The following ATF7 variants were observed in gnomAD, a reference collection of about 807,000 sequenced individuals.
ATF7 encodes the protein cyclic AMP-dependent transcription factor ATF-7.
ATF7 carries 10 observed loss-of-function variants against 50.4 expected under a neutral mutation model. The ratio of observed to expected loss-of-function variants is 0.20; its 90% CI spans 0.12 to 0.34. ATF7 has a LOEUF of 0.34. Ranked by LOEUF, ATF7 falls within the 10% of genes least tolerant of loss-of-function variation. The probability of loss-of-function intolerance (pLI) is 1.00; values close to 1 mark genes in which losing one functional copy is unlikely to be tolerated. For missense variants in ATF7, 465 were observed against 613.9 expected (o/e 0.76, Z 2.56); for synonymous variants, 201 against 226.4 (o/e 0.89, Z 1.01).
At chr12:53,609,954 C>T (rs1307702591) in intron 1 of ATF7, among the ~76,000 whole-genome samples, 1 of 150,574 alleles carries the variant, frequency 6.6e-6, no homozygotes, top group Non-Finnish European at 1.5e-5. Context: ...GTAGCTGGGA[C>T]TATAGGCACG....
intron 2 of ATF7, among the ~76,000 whole-genome samples, chr12:53,569,169 G>A (rs1257935914): frequency 6.6e-6 from 1 of 151,986 alleles, no homozygotes; most frequent in Non-Finnish European, 1.5e-5. Flanking sequence ...AGGGCTCCAT[G>A]TCTCTTAAAA....
intron 2 of ATF7, among the ~76,000 whole-genome samples, chr12:53,571,280 T>C (rs745763112): frequency 1.3e-5 from 2 of 152,112 alleles, no homozygotes; most frequent in Non-Finnish European, 1.5e-5. Context: ...TGGTGGGCTT[T>C]TGGTCTCCCA....
intron 1 of ATF7, among the ~76,000 whole-genome samples, chr12:53,607,928 A>C (rs1352151526): frequency 1.3e-5 from 2 of 152,184 alleles, no homozygotes; most frequent in Non-Finnish European, 2.9e-5. Context: ...GATTGAAAAA[A>C]GTCTGAGTTG....
chr12:53,546,957 T>A (rs1939965359), intron 3 of ATF7, among the ~76,000 whole-genome samples: 1 of 149,676 alleles, frequency 6.7e-6, no homozygotes, highest in African/African-American at 2.4e-5. Flanking sequence ...TGGGGTTTCT[T>A]TATGCTGCCC....
At chr12:53,590,608 A>G (rs958632380) in intron 2 of ATF7, among the ~76,000 whole-genome samples, 1 of 152,240 alleles carries the variant, frequency 6.6e-6, no homozygotes, top group African/African-American at 2.4e-5. Flanking sequence ...GCTAATTCCT[A>G]TAACATCAGA....
At chr12:53,601,069 CAAAAA>C in intron 1 of ATF7, 48 bp from the exon 2 acceptor site, 90 of 940,734 alleles carry the variant, frequency 9.6e-5, no homozygotes, top group Middle Eastern at 2.6e-4. Flanking sequence ...TATGCTGGAG[CAAAAA>C]AAAAAAAAAA....
chr12:53,510,076 G>A (rs1717563040), downstream of ATF7, among the ~76,000 whole-genome samples: 1 of 147,086 alleles, frequency 6.8e-6, no homozygotes, highest in Non-Finnish European at 1.5e-5. Flanking sequence ...TTTTGCTCTT[G>A]TTGCCCAGGC....
At chr12:53,552,459 A>T (rs1330036798) in intron 3 of ATF7, 82 bp downstream of exon 3, 2 of 1,072,540 alleles carry the variant, frequency 1.9e-6, no homozygotes, top group Admixed American at 1.9e-5. Flanking sequence ...AAGGGAGTAC[A>T]GCTCCCAGTA....
At chr12:53,607,606 C>G (rs1005345285) in intron 1 of ATF7, among the ~76,000 whole-genome samples, 3 of 151,080 alleles carry the variant, frequency 2.0e-5, no homozygotes, top group African/African-American at 7.3e-5. Context: ...AAAAGAATAA[C>G]ATTTTGAAAA....
intron 1 of ATF7, 57 bp from the exon 2 acceptor site, chr12:53,601,078 A>C (rs1943382760): frequency 7.7e-7 from 1 of 1,301,164 alleles, no homozygotes; most frequent in Admixed American, 2.5e-5. Context: ...GCAAAAAAAA[A>C]AAAAAAGTGC....
chr12:53,623,380 GAGAC>G (rs1182952968), intron 1 of ATF7, among the ~76,000 whole-genome samples: 1 of 152,166 alleles, frequency 6.6e-6, no homozygotes, highest in African/African-American at 2.4e-5. Flanking sequence ...TATTTTTAAA[GAGAC>G]AGAAGACTTT....
At chr12:53,598,447 C>G (rs1943254218) in intron 2 of ATF7, among the ~76,000 whole-genome samples, 1 of 152,160 alleles carries the variant, frequency 6.6e-6, no homozygotes, top group Admixed American at 6.5e-5. Flanking sequence ...GGGAAAAAAG[C>G]TTTTAGAACC....
intron 2 of ATF7, among the ~76,000 whole-genome samples, chr12:53,592,538 C>T (rs1329015353): frequency 6.6e-6 from 1 of 152,166 alleles, no homozygotes. Context: ...CATCCACATG[C>T]TACGATTTAA....
chr12:53,571,660 A>C (rs2137628104), intron 2 of ATF7, among the ~76,000 whole-genome samples: 1 of 151,554 alleles, frequency 6.6e-6, no homozygotes, highest in African/African-American at 2.4e-5. Context: ...AAAAGGGAGC[A>C]GGGAGACAAA....
chr12:53,613,097 T>A (rs544312332), intron 1 of ATF7, among the ~76,000 whole-genome samples: 8 of 152,236 alleles, frequency 5.3e-5, no homozygotes, highest in Non-Finnish European at 1.2e-4. Flanking sequence ...AACATAGCAG[T>A]ACTAAAAAGT....
intron 2 of ATF7, among the ~76,000 whole-genome samples, chr12:53,596,794 A>G (rs1943176488): frequency 6.6e-6 from 1 of 152,242 alleles, no homozygotes; most frequent in Non-Finnish European, 1.5e-5. Flanking sequence ...TCCTATTAAT[A>G]GATTCAGTAC....
intron 1 of ATF7, among the ~76,000 whole-genome samples, chr12:53,619,633 G>A (rs1294759455): frequency 6.6e-6 from 1 of 151,694 alleles, no homozygotes; most frequent in African/African-American, 2.4e-5. Flanking sequence ...GGCAACATGG[G>A]AAACTCTGTC....
chr12:53,537,673 A>T, intron 4 of ATF7, 121 bp from the exon 5 acceptor site: 1 of 1,120,508 alleles, frequency 8.9e-7, no homozygotes, highest in Non-Finnish European at 1.3e-6. Flanking sequence ...TATACAATGC[A>T]CTGAACTGCA....
At chr12:53,572,479 C>G (rs1941816408) in intron 2 of ATF7, among the ~76,000 whole-genome samples, 1 of 152,136 alleles carries the variant, frequency 6.6e-6, no homozygotes, top group Admixed American at 6.6e-5. Flanking sequence ...GCCCCCACAC[C>G]GTTGTGAGAT....
Sources: allele counts gnomAD v4.1 joint callset (sites outside exome capture counted in the v4.1 genomes callset), GRCh38; gene constraint gnomAD v4.1.1; transcripts MANE v1.5; gene names NCBI Gene and HGNC (gene_info 2026-07-23, HGNC 2026-07-21).